Variants in PYGB observed in about 807,000 individuals in gnomAD.
The protein encoded by PYGB is glycogen phosphorylase, brain form.
PYGB carries 82 observed loss-of-function variants against 94.3 expected under a neutral mutation model. The ratio of observed to expected loss-of-function variants is 0.87; its 90% CI spans 0.73 to 1.04. The LOEUF is 1.04. Among genes scored for constraint, PYGB ranks in the 50% least tolerant of loss-of-function variants. PYGB has a pLI of 0.00. For synonymous variants in PYGB, 488 were observed against 479.1 expected, an observed-to-expected ratio of 1.02 and a Z score of -0.24; for missense variants, 1,132 against 1,158.2, an observed-to-expected ratio of 0.98 and a Z score of 0.33.
chr20:25,257,393 A>G (rs542531036), intron 1 of PYGB, among the ~76,000 whole-genome samples: 2 of 152,372 alleles, frequency 1.3e-5, no homozygotes, highest in African/African-American at 4.8e-5. Context: ...GTCTAGGCCC[A>G]GCACTTCCCG....
intron 2 of PYGB, among the ~76,000 whole-genome samples, chr20:25,264,417 C>T (rs1315635084): frequency 6.6e-6 from 1 of 152,138 alleles, no homozygotes; most frequent in Non-Finnish European, 1.5e-5. Context: ...GTTGGAAGTT[C>T]GGGCCAGGGC....
At chr20:25,290,342 T>C in intron 15 of PYGB, 139 bp from the exon 16 acceptor site, 2 of 1,122,480 alleles carry the variant, frequency 1.8e-6, no homozygotes, top group Non-Finnish European at 2.5e-6. Flanking sequence ...GGAGCCTCCC[T>C]AGCTCCTCTA....
At chr20:25,264,867 A>T (rs962987182) in intron 2 of PYGB, among the ~76,000 whole-genome samples, 4 of 152,222 alleles carry the variant, frequency 2.6e-5, no homozygotes, top group African/African-American at 9.6e-5. Flanking sequence ...TAATTTATAG[A>T]TTCAACGCCA....
At chr20:25,282,652 C>T (rs2088379290) in intron 12 of PYGB, among the ~76,000 whole-genome samples, 1 of 152,220 alleles carries the variant, frequency 6.6e-6, no homozygotes, top group Non-Finnish European at 1.5e-5. Flanking sequence ...GAGCAGTGCT[C>T]TGGGGCAAAC....
At chr20:25,256,187 CTCTG>C (rs763564919) in intron 1 of PYGB, among the ~76,000 whole-genome samples, 1 of 152,188 alleles carries the variant, frequency 6.6e-6, no homozygotes, top group Non-Finnish European at 1.5e-5. Context: ...TTCTGTGAAT[CTCTG>C]TCTGTAAAGA....
In PYGB at chr20:25,294,180, G is replaced by A. The variant is rs969562567; in HGVS notation, c.2200G>A (p.Asp734Asn). 10 of 1,613,730 alleles carry A rather than the reference G, an allele frequency of 6.2e-6. No homozygotes were observed. The highest frequency in any genetic ancestry group is 6.8e-6 in the Non-Finnish European group (8 of 1,180,036). ...RKGYNAREYYDHLPELKQAVD... is the reference protein window; with the variant it reads ...RKGYNAREYYNHLPELKQAVD... Reference sequence around the variant, plus strand: ...CAGGTACAATGCCAGGGAGTACTACGACCACCTGCCCGAGCTGAAGCAGGC... The same window carrying A: ...CAGGTACAATGCCAGGGAGTACTACAACCACCTGCCCGAGCTGAAGCAGGC... The change falls in exon 18 of 20, where the codon GAC (aspartate) becomes AAC (asparagine). Residue 734 changes from aspartate (D) to asparagine (N), a missense_variant. Physicochemically the swap from Asp to Asn is conservative, Grantham distance 23 (BLOSUM62 1). Transcript: ENST00000216962.
At chr20:25,286,088 G>A (rs1176961808) in intron 14 of PYGB, among the ~76,000 whole-genome samples, 1 of 152,222 alleles carries the variant, frequency 6.6e-6, no homozygotes, top group Non-Finnish European at 1.5e-5. Context: ...CTGAGTTCTC[G>A]ATCTCATCAG....
At chr20:25,274,476 T>G in intron 4 of PYGB, 116 bp from the exon 5 acceptor site, 1 of 1,376,870 alleles carries the variant, frequency 7.3e-7, no homozygotes, top group Admixed American at 2.7e-5. Context: ...TGGCTGTAGG[T>G]AAATTTCAGT....
intron 2 of PYGB, among the ~76,000 whole-genome samples, chr20:25,268,161 G>GCAC (rs1555806061): frequency 1.6e-5 from 1 of 62,038 alleles, no homozygotes; most frequent in African/African-American, 6.4e-5. Context: ...CCTAGCACCC[G>GCAC]CCCCCCCCCC....
intron 14 of PYGB, among the ~76,000 whole-genome samples, chr20:25,286,000 T>G (rs749871686): frequency 6.6e-6 from 1 of 152,226 alleles, no homozygotes; most frequent in Non-Finnish European, 1.5e-5. Flanking sequence ...TTAACTCCAC[T>G]TCCTTCCCCC....
intron 3 of PYGB, among the ~76,000 whole-genome samples, chr20:25,269,438 G>A (rs967134560): frequency 9.2e-5 from 14 of 152,214 alleles, no homozygotes; most frequent in Non-Finnish European, 1.6e-4. Flanking sequence ...AATCTTGCCA[G>A]CATGGAGTAA....
At chr20:25,267,333 T>C (rs543321802) in intron 2 of PYGB, among the ~76,000 whole-genome samples, 1 of 152,268 alleles carries the variant, frequency 6.6e-6, no homozygotes, top group Admixed American at 6.5e-5. Context: ...GGCTGCTTTT[T>C]GGTATGATGG....
rs1299872038 is a variant in PYGB at position 25,278,368 on chromosome 20, C to T, written c.905C>T (p.Ala302Val). The T allele has an allele frequency of 6.2e-7, 1 of 1,610,648 alleles. No homozygotes were observed. The highest frequency in any genetic ancestry group is 2.2e-5 in the East Asian group (1 of 44,560). Residue 302 changes from alanine (A) to valine (V), a missense_variant, in exon 8 of 20, where the codon GCC (alanine) becomes GTC (valine). Physicochemically the swap from Ala to Val is moderately conservative, Grantham distance 64. Transcript: ENST00000216962. ...CTGAAGCAGGAGTACTTCGTGGTGG[C>T]CGCCACGCTCCAGGACATCATCCGC... ...LRLKQEYFVVAATLQDIIRRF... is the reference protein window; with the variant it reads ...LRLKQEYFVVVATLQDIIRRF...
intron 19 of PYGB, 51 bp from the exon 20 acceptor site, chr20:25,296,319 C>T (rs747610569): frequency 6.2e-7 from 1 of 1,603,522 alleles, no homozygotes; most frequent in Non-Finnish European, 8.5e-7. Context: ...ATGTTTTTAG[C>T]AGCCCCAAGC....
At chr20:25,296,184 G>A (rs142243176) in intron 19 of PYGB, among the ~76,000 whole-genome samples, 186 bp from the exon 20 acceptor site, 58 of 152,254 alleles carry the variant, frequency 3.8e-4, no homozygotes, top group Middle Eastern at 6.8e-3. Context: ...TCTAGAATGC[G>A]GTAGCTTTCC....
At chr20:25,276,977 C>T (rs1389918065) in intron 6 of PYGB, among the ~76,000 whole-genome samples, 1 of 152,022 alleles carries the variant, frequency 6.6e-6, no homozygotes, top group Non-Finnish European at 1.5e-5. Flanking sequence ...ACCAAGACAC[C>T]TGGGCCCTGG....
At chr20:25,278,562 G>C in intron 8 of PYGB, 100 bp downstream of exon 8, 3 of 1,484,674 alleles carry the variant, frequency 2.0e-6, no homozygotes, top group Non-Finnish European at 9.1e-7. Context: ...AGAGTGGAAT[G>C]GTACATGCCC....
chr20:25,287,657 C>T (rs149688534), intron 14 of PYGB, among the ~76,000 whole-genome samples: 2 of 151,002 alleles, frequency 1.3e-5, no homozygotes, highest in Non-Finnish European at 3.0e-5. Context: ...CTCTTAAAAA[C>T]AAAAACAAAC....
chr20:25,254,141 C>T (rs2180596), intron 1 of PYGB, among the ~76,000 whole-genome samples: 4 of 151,624 alleles, frequency 2.6e-5, no homozygotes, highest in Admixed American at 6.6e-5. Context: ...GTGAGTACTC[C>T]GGAAAAACAG....
Sources: allele counts gnomAD v4.1 joint callset (sites outside exome capture counted in the v4.1 genomes callset), GRCh38; gene constraint gnomAD v4.1.1; transcripts MANE v1.5; gene names NCBI Gene and HGNC (gene_info 2026-07-23, HGNC 2026-07-21).